The following MGAT4C variants were observed in gnomAD, a reference collection of about 807,000 sequenced individuals.
The protein encoded by MGAT4C is alpha-1,3-mannosyl-glycoprotein 4-beta-N-acetylglucosaminyltransferase C.
MGAT4C carries 19 observed loss-of-function variants against 40.1 expected under a neutral mutation model. The ratio of observed to expected loss-of-function variants is 0.47; its 90% CI spans 0.33 to 0.70. The LOEUF is 0.70. MGAT4C is among the 30% of genes least tolerant of loss of function. MGAT4C has a pLI of 0.02. For synonymous variants in MGAT4C, 181 were observed against 187.1 expected, an observed-to-expected ratio of 0.97 and a Z score of 0.27; for missense variants, 491 against 563.2, an observed-to-expected ratio of 0.87 and a Z score of 1.30.
chr12:86,537,353 C>G (rs1053320153), intron 2 of MGAT4C, among the ~76,000 whole-genome samples: 1 of 151,362 alleles, frequency 6.6e-6, no homozygotes, highest in Admixed American at 6.6e-5. Context: ...CTCATGCATC[C>G]TAAAACTTAA....
Position 86,304,640 on chromosome 12 carries a change from CCCT to C in MGAT4C, c.-57+29422_-57+29424del, listed in dbSNP as rs1953891476. Among the ~76,000 whole-genome samples, 3 of 150,592 alleles carry C rather than the reference CCCT, an allele frequency of 2.0e-5. 1 individual carries two copies. Among genetic ancestry groups the C allele is most frequent in the African/African-American group, 7.5e-5 (3 of 40,046 alleles). The stretch of plus-strand genomic sequence containing the variant: ...TTCCAAAAAACTGTTTAAATTTTAA[CCCT>C]ATGTACCTGTGAAGATGACCTTACC... On this transcript the variant is annotated intron_variant, in intron 4 of 7. Transcript: ENST00000548651.
In MGAT4C at chr12:86,728,548, T is replaced by C. The variant is rs1950860138; in HGVS notation, c.-261-1307A>G. On this transcript the variant is annotated intron_variant, in intron 1 of 7. Transcript: ENST00000548651. ...TCTACTGAAAATACAAAAATTAGCC[T>C]GGCATAGTGGCGAGCACCTGTAGTC... is the stretch of plus-strand genomic sequence containing the variant. Among the ~76,000 whole-genome samples the C allele has an allele frequency of 2.0e-5, 3 of 151,990 alleles. No homozygotes were observed. In the South Asian group the frequency reaches 6.2e-4, roughly 31 times the overall value.
At chr12:86,229,228 TAA>T (rs1951217591) in intron 1 of MGAT4C, among the ~76,000 whole-genome samples, 1 of 151,890 alleles carries the variant, frequency 6.6e-6, no homozygotes, top group African/African-American at 2.4e-5. Flanking sequence ...GCAATCTAAG[TAA>T]ATTTAGAAAT....
chr12:86,624,322 C>A (rs147997936), intron 2 of MGAT4C, among the ~76,000 whole-genome samples: 1 of 152,084 alleles, frequency 6.6e-6, no homozygotes, highest in Non-Finnish European at 1.5e-5. Flanking sequence ...ACCTGAGAAG[C>A]ACTGTTCTCT....
intron 2 of MGAT4C, among the ~76,000 whole-genome samples, chr12:86,014,909 G>A (rs1042571707): frequency 6.6e-6 from 1 of 151,410 alleles, no homozygotes; most frequent in Non-Finnish European, 1.5e-5. Flanking sequence ...AGCCTCCTGA[G>A]TAGCTGGGAC....
intron 2 of MGAT4C, among the ~76,000 whole-genome samples, chr12:86,004,249 G>C (rs568533726): frequency 3.3e-5 from 5 of 152,172 alleles, no homozygotes; most frequent in African/African-American, 1.2e-4. Flanking sequence ...TTATATTTTT[G>C]TATGGGCAAA....
intron 2 of MGAT4C, among the ~76,000 whole-genome samples, chr12:86,611,456 T>TAGATGATAGATA (rs1555210960): frequency 1.7e-4 from 25 of 143,548 alleles, no homozygotes; most frequent in Non-Finnish European, 3.0e-4. Flanking sequence ...GATAGATAGA[T>TAGATGATAGATA]GATAGATAGA....
At chr12:86,171,038 G>A (rs1443611164) in intron 1 of MGAT4C, among the ~76,000 whole-genome samples, 1 of 152,026 alleles carries the variant, frequency 6.6e-6, no homozygotes, top group Admixed American at 6.6e-5. Flanking sequence ...TGGATACTCT[G>A]AGACTTTTCA....
chr12:86,517,488 C>T (rs1958713206), intron 2 of MGAT4C, among the ~76,000 whole-genome samples: 1 of 152,128 alleles, frequency 6.6e-6, no homozygotes, highest in Non-Finnish European at 1.5e-5. Context: ...GTTCAAATGT[C>T]TAACAATACC....
intron 3 of MGAT4C, among the ~76,000 whole-genome samples, chr12:86,420,055 C>T (rs184176409): frequency 3.8e-4 from 56 of 147,732 alleles, no homozygotes; most frequent in African/African-American, 1.3e-3. Context: ...TTCTGAAACT[C>T]TGAGTTATTC....
intron 2 of MGAT4C, among the ~76,000 whole-genome samples, chr12:86,611,449 A>AGATAGAT (rs1555210969): frequency 1.9e-5 from 2 of 106,444 alleles, no homozygotes; most frequent in African/African-American, 6.8e-5. Context: ...ATAGATAGAT[A>AGATAGAT]GATAGATGAT....
intron 2 of MGAT4C, among the ~76,000 whole-genome samples, chr12:86,627,504 T>C (rs1962857235): frequency 6.6e-6 from 1 of 151,964 alleles, no homozygotes; most frequent in African/African-American, 2.4e-5. Context: ...GGTGCCCCTC[T>C]GAGATGAAGC....
chr12:86,809,914 C>T (rs917375711), intron 1 of MGAT4C, among the ~76,000 whole-genome samples: 2 of 151,968 alleles, frequency 1.3e-5, no homozygotes, highest in African/African-American at 4.8e-5. Flanking sequence ...CTTTCTAGCA[C>T]CTTTACTAAA....
intron 2 of MGAT4C, among the ~76,000 whole-genome samples, chr12:86,641,675 A>C (rs998456709): frequency 1.3e-5 from 2 of 151,836 alleles, no homozygotes; most frequent in Non-Finnish European, 2.9e-5. Context: ...TACTGCAGAG[A>C]TATATAGGCA....
chr12:86,467,104 T>C (rs1054932629), intron 2 of MGAT4C, among the ~76,000 whole-genome samples: 3 of 152,122 alleles, frequency 2.0e-5, no homozygotes, highest in Non-Finnish European at 4.4e-5. Context: ...CTATAGACTA[T>C]ATTACTTATA....
intron 4 of MGAT4C, among the ~76,000 whole-genome samples, chr12:86,317,587 G>GGTAGTTTTGACTTTGGGCTTATTTTAT (rs1323045580): frequency 6.6e-6 from 1 of 151,952 alleles, no homozygotes; most frequent in Non-Finnish European, 1.5e-5. Flanking sequence ...TGACTGGGAT[G>GGTAGTTTTGACTTTGGGCTTATTTTAT]GTAGTTTTGA....
intron 2 of MGAT4C, among the ~76,000 whole-genome samples, chr12:86,681,083 A>G (rs1422879022): frequency 6.6e-6 from 1 of 151,910 alleles, no homozygotes; most frequent in Non-Finnish European, 1.5e-5. Flanking sequence ...CGTGGAAAAT[A>G]AAATATATAT....
chr12:86,253,530 A>G (rs1952391456), intron 1 of MGAT4C, among the ~76,000 whole-genome samples: 1 of 151,966 alleles, frequency 6.6e-6, no homozygotes, highest in Admixed American at 6.6e-5. Context: ...TCACATATCA[A>G]TTGTTAAGAA....
At chr12:86,629,081 A>G (rs1342465833) in intron 2 of MGAT4C, among the ~76,000 whole-genome samples, 2 of 151,388 alleles carry the variant, frequency 1.3e-5, no homozygotes, top group African/African-American at 4.9e-5. Context: ...AAATGGAAAG[A>G]AAAAAAAACC....
Sources: allele counts gnomAD v4.1 joint callset (sites outside exome capture counted in the v4.1 genomes callset), GRCh38; gene constraint gnomAD v4.1.1; transcripts MANE v1.5; gene names NCBI Gene and HGNC (gene_info 2026-07-23, HGNC 2026-07-21).